HMGXB3: variants seen among roughly 807,000 people sequenced by gnomAD.
HMGXB3 encodes the protein HMG-box containing 3.
A neutral mutation model predicts 121.5 loss-of-function variants in HMGXB3; 45 were observed. The ratio of observed to expected loss-of-function variants is 0.37; its 90% CI spans 0.29 to 0.47. The LOEUF (loss-of-function observed/expected upper bound fraction) is 0.47. Ranked by LOEUF, HMGXB3 falls within the 20% of genes least tolerant of loss-of-function variation. The pLI, the probability that HMGXB3 is intolerant of heterozygous loss-of-function variation, is 0.99. For synonymous variants in HMGXB3, 590 were observed against 624.1 expected, an observed-to-expected ratio of 0.95 and a Z score of 0.81; for missense variants, 1,376 against 1,602.2, an observed-to-expected ratio of 0.86 and a Z score of 2.41.
chr5:150,045,401 A>G, intron 15 of HMGXB3, 65 bp from the exon 16 acceptor site: 1 of 1,297,972 alleles, frequency 7.7e-7, no homozygotes. Flanking sequence ...ATGACGGGGT[A>G]GGCTGTTGTG....
intron 16 of HMGXB3, among the ~76,000 whole-genome samples, chr5:150,045,927 G>A (rs1429437084): frequency 1.3e-5 from 2 of 152,062 alleles, no homozygotes; most frequent in Non-Finnish European, 2.9e-5. Flanking sequence ...CAGCCTTCTG[G>A]GATACACACA....
rs1581263005 is a variant in HMGXB3 at position 150,038,813 on chromosome 5, G to A, written c.2413+1286G>A. ...ATTGTGGAGTAGTTTTCTGTGGTGT[G>A]GATGTACCACAGGTTGTTTAGCTGT... is the stretch of plus-strand genomic sequence containing the variant. On this transcript the variant is annotated intron_variant, in intron 13 of 19. Transcript: ENST00000502717. Among the ~76,000 whole-genome samples, 4 of 152,268 alleles carry A rather than the reference G, an allele frequency of 2.6e-5. No individual in the cohort carries two copies. The East Asian group carries it at 5.8e-4, about 22-fold the overall frequency.
chr5:150,003,011 T>G (rs557275437), intron 1 of HMGXB3, among the ~76,000 whole-genome samples: 85 of 152,220 alleles, frequency 5.6e-4, no homozygotes, highest in African/African-American at 2.0e-3. Context: ...GACTTGGTGG[T>G]GCACATGTGT....
intron 9 of HMGXB3, among the ~76,000 whole-genome samples, chr5:150,028,489 G>GTA (rs1197595051): frequency 2.8e-5 from 3 of 106,252 alleles, no homozygotes; most frequent in Non-Finnish European, 5.3e-5. Flanking sequence ...ATATATATAT[G>GTA]TATATATATG....
At chr5:150,006,383 C>G (rs1273637609) in intron 2 of HMGXB3, 90 bp from the exon 3 acceptor site, 5 of 1,146,848 alleles carry the variant, frequency 4.4e-6, no homozygotes, top group Non-Finnish European at 6.2e-6. Flanking sequence ...GAATGAAGTC[C>G]TGGGTCGAGG....
intron 3 of HMGXB3, among the ~76,000 whole-genome samples, chr5:150,007,808 A>C (rs1457003003): frequency 2.0e-5 from 3 of 152,164 alleles, no homozygotes; most frequent in Non-Finnish European, 4.4e-5. Flanking sequence ...TAATCCCAGC[A>C]CTTTAGGAGG....
At chr5:150,044,666 A>G (rs1465581588) in intron 15 of HMGXB3, among the ~76,000 whole-genome samples, 1 of 152,174 alleles carries the variant, frequency 6.6e-6, no homozygotes, top group Non-Finnish European at 1.5e-5. Flanking sequence ...CCACCCTTTG[A>G]GAACCATTCC....
At chr5:150,013,809 C>T (rs926311683) in intron 5 of HMGXB3, among the ~76,000 whole-genome samples, 1 of 152,224 alleles carries the variant, frequency 6.6e-6, no homozygotes, top group Admixed American at 6.5e-5. Context: ...ATAACATTCC[C>T]TTATTACCCT....
At chr5:150,012,066 C>A (rs143718465) in intron 4 of HMGXB3, among the ~76,000 whole-genome samples, 189 bp from the exon 5 acceptor site, 2 of 152,332 alleles carry the variant, frequency 1.3e-5, no homozygotes, top group Non-Finnish European at 2.9e-5. Context: ...AGCACACTTC[C>A]TGTGGAAATA....
In HMGXB3 at chr5:150,030,468, T is replaced by C. The variant is rs1756345823; in HGVS notation, c.1735-273T>C. On this transcript the variant is annotated intron_variant, in intron 9 of 19. Transcript: ENST00000502717. ...ATATGTATAAAAGCTATTATGTGCT[T>C]TTATAACTCAGTAGTAGTTGTAAAT... 5 of 352,720 alleles carry C rather than the reference T, an allele frequency of 1.4e-5. No homozygotes were observed. The South Asian group carries it at 2.2e-4, about 15-fold the overall frequency. 21.8% of individuals were successfully genotyped at this position (352,720 alleles called of 1,614,324 possible).
rs1400300184 is a variant in HMGXB3, at chr5:150,010,452, C to T, written c.654C>T (p.Asp218=). ...TCAGCCAGGATGTGCTCCTAGAGGA[C>T]GCTTCCCTAGAAGTAGGGGAGAGCC... ...EILSQDVLLE[D]ASLEVGESHQ... is the part of the protein sequence containing the mutation. Residue 218 remains aspartate (D), a synonymous_variant, in exon 4 of 20, where the codon GAC becomes GAT. Coordinates refer to ENST00000502717, the MANE Select transcript of HMGXB3 (RefSeq NM_014983.3). 25 of 1,551,408 alleles carry T rather than the reference C, an allele frequency of 1.6e-5. No individual in the cohort carries two copies. Among genetic ancestry groups the T allele is most frequent in the South Asian group, 1.2e-4 (10 of 84,064 alleles).
chr5:150,008,134 C>T (rs979715449), intron 3 of HMGXB3, among the ~76,000 whole-genome samples: 4 of 151,422 alleles, frequency 2.6e-5, no homozygotes, highest in East Asian at 1.9e-4. Flanking sequence ...TAAAATCCTA[C>T]GTAATCCTGG....
chr5:150,028,559 A>AT (rs55858256), intron 9 of HMGXB3, among the ~76,000 whole-genome samples: 811 of 38,864 alleles, frequency 0.021, 30 homozygotes, highest in African/African-American at 0.067. Context: ...ATATATATAT[A>AT]TTTTTTTTTT....
intron 1 of HMGXB3, among the ~76,000 whole-genome samples, chr5:150,002,674 A>G (rs928350438): frequency 6.6e-6 from 1 of 151,884 alleles, no homozygotes; most frequent in Non-Finnish European, 1.5e-5. Flanking sequence ...TACAAAAAAA[A>G]CTAACTCTTC....
chr5:150,005,598 CAAAAAAAAAAA>C (rs760181326), intron 2 of HMGXB3, among the ~76,000 whole-genome samples: 1 of 82,044 alleles, frequency 1.2e-5, no homozygotes, highest in Non-Finnish European at 2.7e-5. Flanking sequence ...AAACTCCTCT[CAAAAAAAAAAA>C]AAAAAGAAAA....
At chr5:150,009,552 T>C (rs965940199) in intron 3 of HMGXB3, among the ~76,000 whole-genome samples, 1 of 152,206 alleles carries the variant, frequency 6.6e-6, no homozygotes, top group African/African-American at 2.4e-5. Context: ...TTTGTAAGTC[T>C]GGGGAAAACC....
chr5:150,008,034 G>A (rs1054406751), intron 3 of HMGXB3, among the ~76,000 whole-genome samples: 8 of 149,254 alleles, frequency 5.4e-5, no homozygotes, highest in Non-Finnish European at 8.9e-5. Context: ...TCTAGCCTGG[G>A]CAACAGAGTG....
intron 11 of HMGXB3, 99 bp downstream of exon 11, chr5:150,032,702 T>TGGAAA: frequency 7.3e-7 from 1 of 1,364,328 alleles, no homozygotes; most frequent in Non-Finnish European, 1.0e-6. Context: ...TACATGGTGG[T>TGGAAA]AGTTAGAGCA....
intron 11 of HMGXB3, 138 bp from the exon 12 acceptor site, chr5:150,036,498 G>A (rs904051665): frequency 1.5e-6 from 1 of 677,916 alleles, no homozygotes; most frequent in East Asian, 2.9e-5. Flanking sequence ...GTTATTAGCT[G>A]AGCTGGTTAG....
Sources: allele counts gnomAD v4.1 joint callset (sites outside exome capture counted in the v4.1 genomes callset), GRCh38; gene constraint gnomAD v4.1.1; transcripts MANE v1.5; gene names NCBI Gene and HGNC (gene_info 2026-07-23, HGNC 2026-07-21).